Variants in ANXA6 observed in about 807,000 individuals in gnomAD.
The protein encoded by ANXA6 is 67 kDa calelectrin.
ANXA6 carries 71 observed loss-of-function variants against 95.4 expected under a neutral mutation model. That is an observed-to-expected ratio of 0.74 (90% CI 0.61 to 0.91). The LOEUF is 0.91. Among genes scored for constraint, ANXA6 ranks in the 40% least tolerant of loss-of-function variants. The pLI is 0.00. For missense variants in ANXA6, 830 were observed against 876.4 expected (o/e 0.95, Z 0.67); for synonymous variants, 289 against 315.9 (o/e 0.91, Z 0.90).
chr5:151,125,775 G>A (rs1241594766), intron 14 of ANXA6, among the ~76,000 whole-genome samples: 2 of 152,116 alleles, frequency 1.3e-5, no homozygotes, highest in Non-Finnish European at 1.5e-5. Flanking sequence ...CACTGTCCTA[G>A]AACATCAGAG....
At chr5:151,112,482 A>T (rs1211325893) in intron 20 of ANXA6, among the ~76,000 whole-genome samples, 1 of 152,244 alleles carries the variant, frequency 6.6e-6, no homozygotes, top group Non-Finnish European at 1.5e-5. Flanking sequence ...AATAAGAGTT[A>T]TCAAGGCTAC....
chr5:151,125,208 T>G (rs536161976), intron 14 of ANXA6, among the ~76,000 whole-genome samples: 6 of 152,014 alleles, frequency 3.9e-5, no homozygotes, highest in South Asian at 2.1e-4. Flanking sequence ...ATTAGCCAGG[T>G]GTGGTGGTGT....
At chr5:151,154,333 T>TA (rs1561588333) in intron 1 of ANXA6, among the ~76,000 whole-genome samples, 4 of 132,782 alleles carry the variant, frequency 3.0e-5, no homozygotes, top group Admixed American at 2.3e-4. Flanking sequence ...ATATATATAT[T>TA]GATCCCATAC....
chr5:151,125,540 A>T lies in ANXA6; in HGVS notation c.1056+862T>A, dbSNP rs867756983. On this transcript the variant is annotated intron_variant, in intron 14 of 25. Transcript: ENST00000354546. ...TCTGAAACTTAAAGCGAGCTCTCTC[A>T]GCTTTCTCTTTGTGAAAAAGGAAAA... 2.6e-5 allele frequency among the ~76,000 whole-genome samples: 4 copies of T among 152,202 alleles called. No individual in the cohort carries two copies. In the South Asian group the frequency reaches 8.3e-4, roughly 32 times the overall value.
intron 18 of ANXA6, among the ~76,000 whole-genome samples, chr5:151,118,649 G>A (rs1218424433): frequency 1.3e-5 from 2 of 152,120 alleles, no homozygotes; most frequent in Admixed American, 6.6e-5. Flanking sequence ...AGCCAAGTTG[G>A]TCTTGAACTT....
Position 151,134,410 on chromosome 5 carries a change from C to T in ANXA6, c.546+17G>A. 1.2e-6 allele frequency: 2 copies of T among 1,613,758 alleles called. No individual in the cohort carries two copies. Among genetic ancestry groups the T allele is most frequent in the Non-Finnish European group, 1.7e-6 (2 of 1,179,780 alleles). On this transcript the variant is annotated intron_variant, in intron 8 of 25. Transcript: ENST00000354546. ...TCTTCTGCTGTGCCTCAGGGACTTT[C>T]AGTGGTGCTTGTTTACCTGGACATC...
At position 151,105,177 on chromosome 5, in the gene ANXA6, A is replaced by G. The variant is rs1302488996; in HGVS notation, c.1839+68T>C. ...AATCCTGATCTGGGGGATGGTGCAC[A>G]TCTGTGTGTTTGTGTGTGTATGTAA... On this transcript the variant is annotated intron_variant, in intron 24 of 25. Coordinates refer to ENST00000354546, the MANE Select transcript of ANXA6 (RefSeq NM_001155.5). 2.8e-6 allele frequency: 4 copies of G among 1,418,378 alleles called. No individual in the cohort carries two copies. In the East Asian group the frequency reaches 6.8e-5, roughly 24 times the overall value. The allele number at this position is 1,418,378 out of a possible 1,614,324, so 87.9% of individuals were successfully genotyped here.
intron 1 of ANXA6, among the ~76,000 whole-genome samples, chr5:151,154,674 C>A (rs776481785): frequency 2.0e-5 from 3 of 152,170 alleles, no homozygotes; most frequent in Non-Finnish European, 4.4e-5. Context: ...GTGGGCACAC[C>A]CCCCAGCTTG....
At chr5:151,149,888 C>T (rs938104590) in intron 1 of ANXA6, among the ~76,000 whole-genome samples, 4 of 152,086 alleles carry the variant, frequency 2.6e-5, no homozygotes, top group African/African-American at 4.8e-5. Flanking sequence ...GGAGGCCAAG[C>T]GGCAAGGACC....
chr5:151,123,145 C>A, intron 15 of ANXA6, 134 bp from the exon 16 acceptor site: 1 of 727,652 alleles, frequency 1.4e-6, no homozygotes, highest in Non-Finnish European at 2.4e-6. Flanking sequence ...GCTCCTGAGT[C>A]CCTGCAGTCC....
chr5:151,113,462 T>C (rs1029287587), intron 20 of ANXA6, among the ~76,000 whole-genome samples: 1 of 152,114 alleles, frequency 6.6e-6, no homozygotes, highest in Non-Finnish European at 1.5e-5. Flanking sequence ...TTATCAAAAA[T>C]TTGTAAAAAC....
chr5:151,133,593 T>C (rs1286162216), intron 8 of ANXA6, among the ~76,000 whole-genome samples: 2 of 152,214 alleles, frequency 1.3e-5, no homozygotes, highest in South Asian at 2.1e-4. Context: ...AGTGAAAATA[T>C]GGGGTTATAA....
intron 1 of ANXA6, among the ~76,000 whole-genome samples, chr5:151,148,767 C>T (rs959391456): frequency 3.3e-5 from 5 of 152,026 alleles, no homozygotes; most frequent in Admixed American, 2.6e-4. Context: ...TGGGGCACAC[C>T]GCGGGGTGGT....
At position 151,140,248 on chromosome 5, in the gene ANXA6, G is replaced by A. The variant is rs746036577; in HGVS notation, c.19-5C>T. 1 of 1,613,572 alleles carries A rather than the reference G, an allele frequency of 6.2e-7. No individual in the cohort carries two copies. The highest frequency in any genetic ancestry group is 8.5e-7 in the Non-Finnish European group (1 of 1,179,638). ...GGAGCCCCGGTACTTGGCACCCTGT[G>A]GAGAAAAAAGTAGAGGGTGAGCTGC... On this transcript the variant is annotated splice_polypyrimidine_tract_variant and splice_region_variant and intron_variant, in intron 2 of 25. Transcript: ENST00000354546.
rs1764525844 is a variant in ANXA6 at position 151,100,836 on chromosome 5, T to C, written c.*612A>G. 1 of 453,464 alleles carries C rather than the reference T, an allele frequency of 2.2e-6. No homozygotes were observed. Among genetic ancestry groups the C allele is most frequent in the Non-Finnish European group, 4.4e-6 (1 of 225,938 alleles). 28.1% of individuals were successfully genotyped at this position (453,464 alleles called of 1,614,324 possible). A position where few individuals can be genotyped will look rare whatever the true frequency, so the allele number is the denominator to read the frequency against. On this transcript the variant is annotated 3_prime_UTR_variant, in exon 26 of 26. Coordinates refer to ENST00000354546, the MANE Select transcript of ANXA6 (RefSeq NM_001155.5). ...GCCAAGATTTTTTTGTCCAACTGTC[T>C]CATTGTAGATAAGAAAATAGAGACT...
chr5:151,147,515 C>A (rs537648842), intron 2 of ANXA6, among the ~76,000 whole-genome samples: 6 of 152,274 alleles, frequency 3.9e-5, no homozygotes, highest in Non-Finnish European at 4.4e-5. Context: ...CTGATGACTA[C>A]CATGCCAATG....
intron 22 of ANXA6, 69 bp from the exon 23 acceptor site, chr5:151,108,619 C>A: frequency 1.5e-6 from 2 of 1,353,684 alleles, no homozygotes; most frequent in Admixed American, 1.7e-5. Flanking sequence ...CCCTCCTCAG[C>A]CCCACCCAGT....
At chr5:151,122,332 GA>G (rs1189700398) in intron 16 of ANXA6, 72 bp from the exon 17 acceptor site, 5 of 852,026 alleles carry the variant, frequency 5.9e-6, no homozygotes, top group Non-Finnish European at 9.2e-6. Context: ...GGGAGAGATG[GA>G]AAGAGAAAAC....
At chr5:151,121,109 A>C (rs1765155331) in intron 17 of ANXA6, among the ~76,000 whole-genome samples, 1 of 152,198 alleles carries the variant, frequency 6.6e-6, no homozygotes, top group Admixed American at 6.5e-5. Context: ...TGTTTTTATA[A>C]AGTCCTCTAG....
Sources: gnomAD v4.1 joint callset for allele counts (sites outside exome capture counted in the v4.1 genomes callset) on GRCh38, gnomAD v4.1.1 for gene constraint, MANE v1.5 for transcripts, NCBI Gene and HGNC (gene_info 2026-07-23, HGNC 2026-07-21) for gene names.